SLC1A6: variants seen among roughly 807,000 people sequenced by gnomAD.
SLC1A6 encodes excitatory amino acid transporter 4.
SLC1A6 carries 15 observed loss-of-function variants against 42.1 expected under a neutral mutation model. The ratio of observed to expected loss-of-function variants is 0.36; its 90% CI spans 0.24 to 0.55. The LOEUF (loss-of-function observed/expected upper bound fraction) is 0.55, where lower values mean the gene tolerates loss of function less well. Among genes scored for constraint, SLC1A6 ranks in the 20% least tolerant of loss-of-function variants. SLC1A6 has a pLI of 0.88. For missense variants in SLC1A6, 542 were observed against 772.5 expected, an observed-to-expected ratio of 0.70 and a Z score of 3.54; for synonymous variants, 317 against 319.7, an observed-to-expected ratio of 0.99 and a Z score of 0.09.
intron 1 of SLC1A6, among the ~76,000 whole-genome samples, chr19:15,008,437 G>T (rs2045907066): frequency 6.6e-6 from 1 of 152,002 alleles, no homozygotes; most frequent in African/African-American, 2.4e-5. Context: ...GCAGAGAAAA[G>T]GGAAAGCTTA....
intron 1 of SLC1A6, among the ~76,000 whole-genome samples, chr19:15,004,701 G>GA (rs35859231): frequency 0.34 from 48,467 of 143,998 alleles, 7,994 homozygotes; most frequent in Middle Eastern, 0.38. Context: ...TCTGTCTCCA[G>GA]AAAAAAAAAA....
At chr19:14,950,460 G>T in intron 9 of SLC1A6, 70 bp from the exon 10 acceptor site, 1 of 1,235,440 alleles carries the variant, frequency 8.1e-7, no homozygotes, top group Non-Finnish European at 1.1e-6. Flanking sequence ...GGGTGCAGCA[G>T]AGGGGGGTCC....
chr19:15,003,569 TC>T (rs986555928), intron 1 of SLC1A6, among the ~76,000 whole-genome samples: 2 of 148,518 alleles, frequency 1.3e-5, no homozygotes, highest in Admixed American at 1.4e-4. Flanking sequence ...GAACCTGGTG[TC>T]CCAGAAGGGA....
rs144689196 is a variant in SLC1A6 at position 14,958,375 on chromosome 19, C to T, written c.936-1666G>A. On this transcript the variant is annotated intron_variant, in intron 6 of 9. Transcript: ENST00000594383. Reference sequence around the variant, plus strand: ...GCAGTGAGCTGAGATCACATCACTGCACTCCAGCTTGGGCGACAGAGCCAG... The same window carrying T: ...GCAGTGAGCTGAGATCACATCACTGTACTCCAGCTTGGGCGACAGAGCCAG... Among the ~76,000 whole-genome samples the T allele has an allele frequency of 5.9e-5, 9 of 151,498 alleles. No homozygotes were observed. In the East Asian group the frequency reaches 1.7e-3, roughly 29 times the overall value.
At position 14,964,331 on chromosome 19, in the gene SLC1A6, G is replaced by C. The variant is rs146281196; in HGVS notation, c.579C>G (p.Ala193=). The part of the protein sequence containing the change: ...RNMFPPNLVE[A]CFKQFKTQYS... The stretch of plus-strand genomic sequence containing the variant: ...ACTTCCCCCTGACCTGTTTGAAGCA[G>C]GCCTCCACAAGGTTTGGTGGAAACA... Residue 193 remains alanine (A), a synonymous_variant, in exon 5 of 10, where the codon GCC becomes GCG. Transcript: ENST00000594383. 2.2e-5 allele frequency: 35 copies of C among 1,613,786 alleles called. No individual in the cohort carries two copies. The African/African-American group carries it at 2.4e-4, about 11-fold the overall frequency.
At chr19:14,991,157 G>T (rs778334251) in intron 1 of SLC1A6, among the ~76,000 whole-genome samples, 1 of 152,192 alleles carries the variant, frequency 6.6e-6, no homozygotes, top group Non-Finnish European at 1.5e-5. Flanking sequence ...GAAATGTCCA[G>T]AATAGGCAAA....
intron 3 of SLC1A6, among the ~76,000 whole-genome samples, chr19:14,969,142 T>C (rs1398249142): frequency 6.6e-6 from 1 of 152,032 alleles, no homozygotes; most frequent in Non-Finnish European, 1.5e-5. Context: ...GCCTGGCCCA[T>C]AACCTAACTT....
chr19:15,002,964 A>ATTTTGTTGTTGTTGT (rs55727450), intron 1 of SLC1A6, among the ~76,000 whole-genome samples: 3,079 of 150,886 alleles, frequency 0.02, 42 homozygotes, highest in African/African-American at 0.023. Flanking sequence ...TTTTTGTGGG[A>ATTTTGTTGTTGTTGT]TGTTGTTGTT....
In SLC1A6 at chr19:14,972,875, C is replaced by G; in HGVS notation, c.36G>C (p.Glu12Asp). 2 of 1,602,074 alleles carry G rather than the reference C, an allele frequency of 1.2e-6. No individual in the cohort carries two copies. Among genetic ancestry groups the G allele is most frequent in the Non-Finnish European group, 8.5e-7 (1 of 1,174,994 alleles). ...CCACCCGGCCCAGCCGCTGGCCGCT[C>G]TCCCGCAGGAACAGGCTGTTGCCAT... is the stretch of plus-strand genomic sequence containing the variant. ...SSHGNSLFLR[E>D]SGQRLGRVGW... is the part of the protein sequence containing the mutation. Residue 12 changes from glutamate (E) to aspartate (D), a missense_variant, in exon 2 of 10, where the codon GAG (glutamate) becomes GAC (aspartate). Physicochemically the swap from Glu to Asp is conservative, Grantham distance 45. Coordinates refer to ENST00000594383, the MANE Select transcript of SLC1A6 (RefSeq NM_005071.3).
At chr19:14,958,739 C>G (rs142867922) in intron 6 of SLC1A6, among the ~76,000 whole-genome samples, 6 of 152,318 alleles carry the variant, frequency 3.9e-5, no homozygotes, top group Non-Finnish European at 8.8e-5. Flanking sequence ...TTTCTTACCC[C>G]CTACACTCAG....
At position 14,979,033 on chromosome 19, in the gene SLC1A6, GTCTC is replaced by G. The variant is rs1386503643; in HGVS notation, c.-8+272_-8+275del. 3.1e-4 allele frequency among the ~76,000 whole-genome samples: 31 copies of G among 101,096 alleles called. No homozygotes were observed. Among genetic ancestry groups the G allele is most frequent in the Admixed American group, 5.2e-4 (5 of 9,594 alleles). 66.3% of individuals were successfully genotyped at this position (101,096 alleles called of 152,430 possible). On this transcript the variant is annotated intron_variant, in intron 1 of 9. Transcript: ENST00000594383. The surrounding 1 kb of genome is among the most constrained non-coding windows in gnomAD (Gnocchi z 4.2). Reference sequence around the variant, plus strand: ...GACGGCGATCCCACTCACAAATTCAGTCTCTCTCTCTCTCTGTCACACACACACA... The same window carrying G: ...GACGGCGATCCCACTCACAAATTCAGTCTCTCTCTCTGTCACACACACACA...
At chr19:14,958,633 T>C (rs1415358525) in intron 6 of SLC1A6, among the ~76,000 whole-genome samples, 1 of 152,126 alleles carries the variant, frequency 6.6e-6, no homozygotes, top group Non-Finnish European at 1.5e-5. Context: ...TCCACCTCTA[T>C]GCTTACTCTG....
chr19:15,008,213 C>T (rs553286317), intron 1 of SLC1A6, among the ~76,000 whole-genome samples: 4 of 152,026 alleles, frequency 2.6e-5, no homozygotes, highest in Admixed American at 1.3e-4. Flanking sequence ...AGTGTGGTGG[C>T]GTGCGCCTAT....
At chr19:14,978,690 C>T (rs2045737806) in intron 1 of SLC1A6, among the ~76,000 whole-genome samples, 1 of 151,842 alleles carries the variant, frequency 6.6e-6, no homozygotes, top group Admixed American at 6.6e-5. Context: ...CTCACACATA[C>T]ACTTGCCACA....
At chr19:14,993,333 G>C (rs2886789) in intron 1 of SLC1A6, among the ~76,000 whole-genome samples, 59,798 of 151,530 alleles carry the variant, frequency 0.39, 11,984 homozygotes, top group Middle Eastern at 0.49. Flanking sequence ...GTTTCCTTCT[G>C]GGGGGGTGAA....
chr19:14,997,271 G>A (rs1324398490), intron 1 of SLC1A6, among the ~76,000 whole-genome samples: 1 of 152,078 alleles, frequency 6.6e-6, no homozygotes. Context: ...ACTTTGAGTT[G>A]TTCCACCTTT....
intron 6 of SLC1A6, among the ~76,000 whole-genome samples, chr19:14,960,898 C>A (rs572721300): frequency 6.7e-6 from 1 of 149,452 alleles, no homozygotes; most frequent in Non-Finnish European, 1.5e-5. Flanking sequence ...ACTTGCAAAT[C>A]ACAAAGAGAG....
intron 1 of SLC1A6, among the ~76,000 whole-genome samples, chr19:15,003,794 G>C (rs1324543938): frequency 1.3e-5 from 2 of 152,124 alleles, no homozygotes; most frequent in Non-Finnish European, 2.9e-5. Context: ...GCATGAATCA[G>C]TATATAGAAC....
chr19:14,970,072 C>T (rs2045619878), intron 3 of SLC1A6, among the ~76,000 whole-genome samples: 1 of 152,064 alleles, frequency 6.6e-6, no homozygotes, highest in South Asian at 2.1e-4. Context: ...GATAACATTT[C>T]TCTTCCTTAT....
Sources: gnomAD v4.1 joint callset for allele counts (sites outside exome capture counted in the v4.1 genomes callset) on GRCh38, gnomAD v4.1.1 for gene constraint, Gnocchi (gnomAD v3.1) non-coding constraint, MANE v1.5 for transcripts, NCBI Gene and HGNC (gene_info 2026-07-23, HGNC 2026-07-21) for gene names.